The following TMIGD3 variants were observed in gnomAD, a reference collection of about 807,000 sequenced individuals.
TMIGD3 encodes transmembrane and immunoglobulin domain containing 3.
A neutral mutation model predicts 28.1 loss-of-function variants in TMIGD3; 21 were observed. The observed-to-expected ratio is 0.75, with a 90% CI of 0.53 to 1.08. TMIGD3 has a LOEUF of 1.08. Ranked by LOEUF, TMIGD3 falls within the 50% of genes least tolerant of loss-of-function variation. The pLI is 0.00. For synonymous variants in TMIGD3, 151 were observed against 162.1 expected (o/e 0.93, Z 0.52); for missense variants, 416 against 435.6 (o/e 0.96, Z 0.40).
chr1:111,498,912 C>T (rs913556192), intron 1 of TMIGD3, among the ~76,000 whole-genome samples: 2 of 151,366 alleles, frequency 1.3e-5, no homozygotes, highest in African/African-American at 4.9e-5. Flanking sequence ...CATAAAGAGA[C>T]CTTGTCTATA....
Position 111,503,518 on chromosome 1 carries a change from C to T in TMIGD3, c.-164G>A. 2 of 1,431,414 alleles carry T rather than the reference C, an allele frequency of 1.4e-6. No individual in the cohort carries two copies. The highest frequency in any genetic ancestry group is 1.4e-5 in the African/African-American group (1 of 69,762). 88.7% of individuals were successfully genotyped at this position (1,431,414 alleles called of 1,614,324 possible). The stretch of plus-strand genomic sequence containing the variant: ...TCCTACCCTTTTCTGGTGGGGTGAT[C>T]TCTTGGAAACCCTTCTCCTTAGAAA... On this transcript the variant is annotated 5_prime_UTR_variant, in exon 1 of 6. Transcript: ENST00000369716.
intron 1 of TMIGD3, among the ~76,000 whole-genome samples, chr1:111,558,711 C>A (rs547460404): frequency 1.3e-5 from 2 of 152,132 alleles, no homozygotes; most frequent in African/African-American, 4.8e-5. Context: ...AAGATATAAA[C>A]TTCTTAACTC....
chr1:111,502,215 TATATTTATTATAATGAATATATAGG>T (rs1286354161), intron 1 of TMIGD3, among the ~76,000 whole-genome samples: 372 of 34,842 alleles, frequency 0.011, 9 homozygotes, highest in Non-Finnish European at 0.015. Flanking sequence ...ATATAGGATA[TATATTTATTATAATGAATATATAGG>T]ATATATTTAT....
intron 1 of TMIGD3, among the ~76,000 whole-genome samples, chr1:111,512,523 G>A (rs1160871430): frequency 1.3e-5 from 2 of 152,244 alleles, no homozygotes; most frequent in African/African-American, 4.8e-5. Flanking sequence ...TGATAAATAA[G>A]ATACCCCTCT....
At chr1:111,501,877 G>A (rs978878649) in intron 1 of TMIGD3, among the ~76,000 whole-genome samples, 12 of 151,452 alleles carry the variant, frequency 7.9e-5, no homozygotes, top group Non-Finnish European at 1.3e-4. Flanking sequence ...ATGCAATTTA[G>A]GTCACCCGGG....
At chr1:111,525,636 A>T (rs766985387) in intron 1 of TMIGD3, among the ~76,000 whole-genome samples, 1 of 152,170 alleles carries the variant, frequency 6.6e-6, no homozygotes, top group Non-Finnish European at 1.5e-5. Context: ...GCCGAGGCAG[A>T]TGGATCATTT....
At chr1:111,504,730 G>T, upstream of TMIGD3, 1 of 285,146 alleles carries the variant, frequency 3.5e-6, no homozygotes, top group Non-Finnish European at 5.3e-6. Flanking sequence ...TTCAGAGTGG[G>T]GCATAAGGGA....
chr1:111,500,674 C>T, intron 1 of TMIGD3: 2 of 991,706 alleles, frequency 2.0e-6, no homozygotes, highest in Non-Finnish European at 3.0e-6. Context: ...CTTAATTCTC[C>T]AATCTTCTGC....
chr1:111,520,210 T>C (rs1656010991), intron 1 of TMIGD3, among the ~76,000 whole-genome samples: 1 of 152,232 alleles, frequency 6.6e-6, no homozygotes, highest in South Asian at 2.1e-4. Flanking sequence ...CTTTCTTTTA[T>C]GGAGGAAACG....
rs750668884 is a variant in TMIGD3 at position 111,488,827 on chromosome 1, T to C, written c.655A>G (p.Ile219Val). ...VALRDTGNQL[I>V]VTMSCLTKED... is the part of the protein sequence containing the mutation. ...TTGGTCAGGCAGGACATAGTGACAA[T>C]GAGCTGGTTCCCTGTGTCCCTCAGG... Residue 219 changes from isoleucine to valine, a missense_variant, in exon 3 of 6, where the codon ATT (isoleucine) becomes GTT (valine). Physicochemically the swap from Ile to Val is conservative, Grantham distance 29. Transcript: ENST00000369716. 6 of 1,613,976 alleles carry C rather than the reference T, an allele frequency of 3.7e-6. No homozygotes were observed. The highest frequency in any genetic ancestry group is 3.3e-5 in the Admixed American group (2 of 60,022).
intron 1 of TMIGD3, among the ~76,000 whole-genome samples, chr1:111,549,593 T>G (rs1041672844): frequency 6.7e-6 from 1 of 149,136 alleles, no homozygotes; most frequent in Non-Finnish European, 1.5e-5. Flanking sequence ...GAGGTTGTGG[T>G]GAGCCGATAT....
Position 111,550,808 on chromosome 1 carries a change from A to T in TMIGD3, c.107+13038T>A, listed in dbSNP as rs1657226779. ...CCACACCCAGCCCAATTTCATCTTA[A>T]TGTGGTCAGAGAACATATTTTATGT... On this transcript the variant is annotated intron_variant, in intron 1 of 5. Transcript: ENST00000369717. Among the ~76,000 whole-genome samples the T allele has an allele frequency of 1.3e-5, 2 of 152,170 alleles. 1 individual carries two copies. Among genetic ancestry groups the T allele is most frequent in the South Asian group, 4.1e-4 (2 of 4,832 alleles).
chr1:111,504,862 C>T, upstream of TMIGD3: 8 of 985,296 alleles, frequency 8.1e-6, no homozygotes, highest in Non-Finnish European at 8.4e-6. Flanking sequence ...TACCAAATCC[C>T]ATACTTGTCC....
intron 1 of TMIGD3, among the ~76,000 whole-genome samples, chr1:111,497,098 C>G (rs1237411400): frequency 6.6e-6 from 1 of 152,094 alleles, no homozygotes. Context: ...CCAGGAGATT[C>G]CTGTGACACT....
At chr1:111,515,282 T>G (rs987780061) in intron 1 of TMIGD3, among the ~76,000 whole-genome samples, 2 of 152,134 alleles carry the variant, frequency 1.3e-5, no homozygotes, top group Non-Finnish European at 2.9e-5. Flanking sequence ...CCACTAGCTC[T>G]TCCTTCCTGA....
chr1:111,507,039 G>GTA (rs59345912), upstream of TMIGD3, among the ~76,000 whole-genome samples: 28 of 126,140 alleles, frequency 2.2e-4, no homozygotes, highest in African/African-American at 8.4e-4. Flanking sequence ...GTGTGTGTGT[G>GTA]TATATATATA....
chr1:111,506,222 C>T (rs746273982), upstream of TMIGD3, among the ~76,000 whole-genome samples: 1 of 152,198 alleles, frequency 6.6e-6, no homozygotes, highest in Non-Finnish European at 1.5e-5. Context: ...CTGCATTTCT[C>T]GCCCCTACTA....
chr1:111,493,070 TAGTC>T (rs1381813169), intron 1 of TMIGD3, among the ~76,000 whole-genome samples: 11 of 152,154 alleles, frequency 7.2e-5, no homozygotes, highest in South Asian at 2.1e-4. Flanking sequence ...AATTTCAAGA[TAGTC>T]AGGCAGGGTA....
chr1:111,512,787 C>A (rs1655734129), intron 1 of TMIGD3, among the ~76,000 whole-genome samples: 2 of 152,200 alleles, frequency 1.3e-5, no homozygotes, highest in African/African-American at 4.8e-5. Context: ...GAGATACAGA[C>A]TTGTTGGGAA....
Sources: gnomAD v4.1 joint callset for allele counts (sites outside exome capture counted in the v4.1 genomes callset) on GRCh38, gnomAD v4.1.1 for gene constraint, MANE v1.5 for transcripts, NCBI Gene and HGNC (gene_info 2026-07-23, HGNC 2026-07-21) for gene names.